Variants in NEBL observed in about 807,000 individuals in gnomAD.
The protein encoded by NEBL is LIM and SH3 protein 2.
A neutral mutation model predicts 140.2 loss-of-function variants in NEBL; 122 were observed. The ratio of observed to expected loss-of-function variants is 0.87; its 90% CI spans 0.75 to 1.01. The LOEUF (loss-of-function observed/expected upper bound fraction) is 1.01, where lower values mean the gene tolerates loss of function less well. NEBL is among the 50% of genes least tolerant of loss of function. The pLI is 0.00. For synonymous variants in NEBL, 436 were observed against 398.9 expected, an observed-to-expected ratio of 1.09 and a Z score of -1.11; for missense variants, 1,365 against 1,231.3, an observed-to-expected ratio of 1.11 and a Z score of -1.62.
chr10:21,030,218 C>T, intron 2 of NEBL: 1 of 522,466 alleles, frequency 1.9e-6, no homozygotes, highest in South Asian at 1.8e-5. Context: ...TCGGGAGAGA[C>T]ACCCAAGCTG....
chr10:20,898,471 A>G (rs146659999), upstream of NEBL, among the ~76,000 whole-genome samples: 31 of 152,238 alleles, frequency 2.0e-4, 1 homozygote, highest in South Asian at 3.9e-3. Context: ...GCCTTACCTA[A>G]ACTGAAAATC....
At chr10:21,157,727 A>G (rs1840390327) in intron 2 of NEBL, among the ~76,000 whole-genome samples, 10 of 152,166 alleles carry the variant, frequency 6.6e-5, no homozygotes, top group Admixed American at 6.5e-4. Context: ...TTGTATATGT[A>G]TTGGAGTCCA....
chr10:21,067,636 G>A (rs1336761892), intron 2 of NEBL, among the ~76,000 whole-genome samples: 1 of 152,100 alleles, frequency 6.6e-6, no homozygotes, highest in Non-Finnish European at 1.5e-5. Context: ...CAAAGGCAAG[G>A]GAGAAGGGGG....
intron 3 of NEBL, among the ~76,000 whole-genome samples, chr10:21,247,594 A>G (rs118129465): frequency 0.029 from 4,446 of 152,120 alleles, 76 homozygotes; most frequent in African/African-American, 0.045. Flanking sequence ...TTCATCCTCT[A>G]CTGAAAATCT....
intron 26 of NEBL, among the ~76,000 whole-genome samples, chr10:20,798,992 G>A (rs981997470): frequency 2.6e-5 from 4 of 152,040 alleles, no homozygotes; most frequent in African/African-American, 9.7e-5. Flanking sequence ...TCTTAGGGAC[G>A]TAACAGAATG....
rs1403208656 is a variant in NEBL at position 20,913,496 on chromosome 10, A to G, written c.357+48176T>C. Among the ~76,000 whole-genome samples, 7 of 152,290 alleles carry G rather than the reference A, an allele frequency of 4.6e-5. No homozygotes were observed. The South Asian group carries it at 1.5e-3, about 32-fold the overall frequency. ...AGGAACTTGGAATATAAAAATATTT[A>G]TTATCTGCATTAAGAGGTTTTAAAC... On this transcript the variant is annotated intron_variant, in intron 4 of 6. Coordinates refer to the NEBL transcript ENST00000417816.
chr10:21,076,001 C>T (rs755336154), intron 2 of NEBL, among the ~76,000 whole-genome samples: 50 of 151,834 alleles, frequency 3.3e-4, no homozygotes, highest in South Asian at 1.0e-3. Context: ...ACACACATTA[C>T]GATGGTCATG....
chr10:21,273,204 A>G (rs1271249710), intron 1 of NEBL, among the ~76,000 whole-genome samples: 2 of 152,126 alleles, frequency 1.3e-5, no homozygotes, highest in African/African-American at 2.4e-5. Context: ...CGCCCCTCTC[A>G]TATCTGCTCT....
At chr10:21,198,831 T>C (rs1468280423) in intron 3 of NEBL, among the ~76,000 whole-genome samples, 2 of 152,022 alleles carry the variant, frequency 1.3e-5, no homozygotes, top group African/African-American at 4.8e-5. Flanking sequence ...TGTCTAATTA[T>C]TGAATAATCA....
chr10:21,152,812 C>T (rs561360021), intron 2 of NEBL, among the ~76,000 whole-genome samples: 2 of 152,126 alleles, frequency 1.3e-5, no homozygotes, highest in South Asian at 4.2e-4. Context: ...CCAATGACTG[C>T]ATTATTTTCC....
intron 2 of NEBL, among the ~76,000 whole-genome samples, chr10:21,073,332 A>T (rs1835904795): frequency 6.6e-6 from 1 of 151,740 alleles, no homozygotes; most frequent in African/African-American, 2.4e-5. Context: ...CAAAAAAAAA[A>T]AAAGCCAGAC....
chr10:21,098,401 C>A (rs1837303094), intron 2 of NEBL, among the ~76,000 whole-genome samples: 2 of 152,152 alleles, frequency 1.3e-5, no homozygotes, highest in Non-Finnish European at 2.9e-5. Flanking sequence ...TCAATAAATG[C>A]TCATTGAATT....
intron 4 of NEBL, among the ~76,000 whole-genome samples, chr10:20,915,333 C>A (rs1410832595): frequency 1.3e-5 from 2 of 150,922 alleles, no homozygotes; most frequent in East Asian, 1.9e-4. Flanking sequence ...TATACATGTG[C>A]CATGCTGGTG....
chr10:20,828,679 C>T (rs764809944), intron 16 of NEBL, 45 bp from the exon 17 acceptor site: 41 of 1,293,796 alleles, frequency 3.2e-5, no homozygotes, highest in South Asian at 1.8e-4. Flanking sequence ...TATGTGTGTG[C>T]GCACATGTGA....
intron 2 of NEBL, among the ~76,000 whole-genome samples, chr10:21,130,764 T>A (rs1436542652): frequency 6.6e-6 from 1 of 152,008 alleles, no homozygotes; most frequent in Non-Finnish European, 1.5e-5. Context: ...TTTATAACAT[T>A]GAATGCACTT....
At chr10:21,234,842 G>A (rs1842327414) in intron 3 of NEBL, among the ~76,000 whole-genome samples, 1 of 152,162 alleles carries the variant, frequency 6.6e-6, no homozygotes, top group Non-Finnish European at 1.5e-5. Context: ...TAAGGTCATT[G>A]ATTTGTCTGG....
chr10:20,842,084 T>G (rs1249109604), intron 12 of NEBL, among the ~76,000 whole-genome samples: 1 of 152,110 alleles, frequency 6.6e-6, no homozygotes, highest in Non-Finnish European at 1.5e-5. Context: ...AAGATGAAAT[T>G]TCCTTTATTG....
chr10:20,929,809 A>T (rs1217855906), intron 4 of NEBL, among the ~76,000 whole-genome samples: 1 of 152,172 alleles, frequency 6.6e-6, no homozygotes, highest in East Asian at 1.9e-4. Flanking sequence ...GGGTATACTA[A>T]TGAGTACAGT....
chr10:21,079,962 T>C (rs1164742327), intron 2 of NEBL, among the ~76,000 whole-genome samples: 1 of 152,178 alleles, frequency 6.6e-6, no homozygotes, highest in Non-Finnish European at 1.5e-5. Flanking sequence ...GGGCGGAGTA[T>C]AGATACTGTA....
Sources: allele counts gnomAD v4.1 joint callset (sites outside exome capture counted in the v4.1 genomes callset), GRCh38; gene constraint gnomAD v4.1.1; transcripts MANE v1.5; gene names NCBI Gene and HGNC (gene_info 2026-07-23, HGNC 2026-07-21).